CSMD2: variants seen among roughly 807,000 people sequenced by gnomAD.
The protein encoded by CSMD2 is CUB and Sushi multiple domains 2.
Under a neutral mutation model 398.5 loss-of-function variants are expected in CSMD2, and 130 were observed. The observed-to-expected ratio is 0.33, with a 90% CI of 0.28 to 0.38. The LOEUF (loss-of-function observed/expected upper bound fraction) is 0.38, where lower values mean the gene tolerates loss of function less well. Ranked by LOEUF, CSMD2 falls within the 10% of genes least tolerant of loss-of-function variation. The pLI is 1.00. For missense variants in CSMD2, 3,829 were observed against 4,764.9 expected, an observed-to-expected ratio of 0.80 and a Z score of 5.78; for synonymous variants, 1,828 against 1,908.5, an observed-to-expected ratio of 0.96 and a Z score of 1.10.
At position 33,920,225 on chromosome 1, in the gene CSMD2, G is replaced by A. The variant is rs116015235; in HGVS notation, c.713-1924C>T. On this transcript the variant is annotated intron_variant, in intron 4 of 70. Coordinates refer to ENST00000373381, the MANE Select transcript of CSMD2 (RefSeq NM_001281956.2). ...CAGGGTGCAGAGGCCTGGCACCGTT[G>A]AAGAGCATCAAGAGACCCAAGGACT... Among the ~76,000 whole-genome samples, 1,268 of 152,188 alleles carry A rather than the reference G, an allele frequency of 8.3e-3. 7 individuals are homozygous for A. Among genetic ancestry groups the A allele is most frequent in the Non-Finnish European group, 0.013 (861 of 67,996 alleles).
chr1:33,586,131 C>G (rs1310809069), intron 46 of CSMD2, among the ~76,000 whole-genome samples: 4 of 152,218 alleles, frequency 2.6e-5, no homozygotes, highest in African/African-American at 9.6e-5. Context: ...ACCTTGAGTG[C>G]ATCCGCGCAT....
At chr1:33,952,447 A>G (rs536004966) in intron 3 of CSMD2, among the ~76,000 whole-genome samples, 1 of 152,286 alleles carries the variant, frequency 6.6e-6, no homozygotes, top group East Asian at 1.9e-4. Flanking sequence ...TTGCTCATTC[A>G]TGATCGTTTT....
rs528243036 is a variant in CSMD2, at chr1:34,089,743, G to A, written c.188-550C>T. ...TAAATGGACTCTTGCCAAGAGTCTC[G>A]ACTCTTCCCTACTCTTCAAGAACAG... is the stretch of plus-strand genomic sequence containing the variant. On this transcript the variant is annotated intron_variant, in intron 1 of 70. Transcript: ENST00000373381. Among the ~76,000 whole-genome samples the A allele has an allele frequency of 7.2e-5, 11 of 151,996 alleles. No individual in the cohort carries two copies. In the East Asian group the frequency reaches 1.9e-3, roughly 27 times the overall value.
At chr1:33,969,067 G>A (rs917458169) in intron 3 of CSMD2, among the ~76,000 whole-genome samples, 38 of 152,156 alleles carry the variant, frequency 2.5e-4, no homozygotes, top group Non-Finnish European at 1.2e-4. Context: ...TTCACTTAGA[G>A]GTGATCATTG....
At chr1:33,607,444 T>C (rs927926722) in intron 41 of CSMD2, among the ~76,000 whole-genome samples, 1 of 152,190 alleles carries the variant, frequency 6.6e-6, no homozygotes, top group Non-Finnish European at 1.5e-5. Flanking sequence ...AGCTGGGTTT[T>C]TCCCCAGAGG....
In CSMD2 at chr1:33,572,531, G is replaced by A. The variant is rs749690948; in HGVS notation, c.7737C>T (p.Asn2579=). Residue 2579 remains asparagine, a synonymous_variant, in exon 50 of 71, where the codon AAC becomes AAT. Transcript: ENST00000373381. The stretch of plus-strand genomic sequence containing the variant: ...GGACACACTGTGGTGGGACATTGCG[G>A]TTGCTCCATAGGCCTGTGTCCAGAC... The part of the protein sequence containing the change: ...AECLDTGLWS[N]RNVPPQCVPV... The A allele has an allele frequency of 1.2e-6, 2 of 1,609,946 alleles. No individual in the cohort carries two copies. Among genetic ancestry groups the A allele is most frequent in the Non-Finnish European group, 1.7e-6 (2 of 1,177,416 alleles).
intron 42 of CSMD2, 134 bp downstream of exon 42, chr1:33,605,148 A>G: frequency 1.2e-6 from 1 of 843,360 alleles, no homozygotes; most frequent in African/African-American, 1.7e-5. Context: ...ATGTGAAAAC[A>G]GGATGGACCA....
At chr1:33,903,483 T>C (rs1280891336) in intron 5 of CSMD2, among the ~76,000 whole-genome samples, 1 of 152,186 alleles carries the variant, frequency 6.6e-6, no homozygotes, top group Non-Finnish European at 1.5e-5. Flanking sequence ...TCAGTGCTAA[T>C]TTGCAAATGT....
At chr1:33,716,091 C>T (rs1188403350) in intron 20 of CSMD2, among the ~76,000 whole-genome samples, 195 bp downstream of exon 20, 1 of 152,172 alleles carries the variant, frequency 6.6e-6, no homozygotes, top group Non-Finnish European at 1.5e-5. Context: ...TATGCTAACT[C>T]CTTCCAAGAC....
chr1:33,860,476 AGTG>A (rs1639411994), intron 5 of CSMD2: 1 of 152,188 alleles, frequency 6.6e-6, no homozygotes, highest in Non-Finnish European at 1.5e-5. Flanking sequence ...ACTTGGTTAA[AGTG>A]GTGTCTGCCA....
chr1:33,698,830 C>T lies in CSMD2; in HGVS notation c.3848G>A (p.Ser1283Asn), dbSNP rs760978853. 2 of 1,614,118 alleles carry T rather than the reference C, an allele frequency of 1.2e-6. No individual in the cohort carries two copies. Among genetic ancestry groups the T allele is most frequent in the East Asian group, 4.5e-5 (2 of 44,892 alleles). The change falls in exon 24 of 71, where the codon AGC becomes AAC. Residue 1283 changes from serine (S) to asparagine (N), a missense_variant. Ser to Asn is a conservative substitution (Grantham distance 46, BLOSUM62 1). Around this residue, in one of 5 missense-constraint regions of CSMD2, gnomAD observed 2,001 missense variants for 2,567.1 expected, o/e 0.78. Transcript: ENST00000373381. The stretch of plus-strand genomic sequence containing the variant: ...CAGCAGCTCCTCACTACCCCGCAGG[C>T]TGTATCCAGGGTCACAGCTGAAGGA... Reference protein sequence around the residue: ...SVSFSCDPGYSLRGSEELLCL... With the variant: ...SVSFSCDPGYNLRGSEELLCL...
In CSMD2 at chr1:34,084,585, T is replaced by G. The variant is rs533578733; in HGVS notation, c.404+4392A>C. 7.2e-5 allele frequency among the ~76,000 whole-genome samples: 11 copies of G among 152,172 alleles called. No homozygotes were observed. The East Asian group carries it at 2.1e-3, about 29-fold the overall frequency. ...GTGGGCGAAGGACATGAACAGACAC[T>G]TCTCAAAAGAAGACATTTATGCAGC... is the stretch of plus-strand genomic sequence containing the variant. On this transcript the variant is annotated intron_variant, in intron 2 of 70. Transcript: ENST00000373381.
At chr1:33,921,597 C>CA (rs1441668275) in intron 4 of CSMD2, among the ~76,000 whole-genome samples, 1 of 152,058 alleles carries the variant, frequency 6.6e-6, no homozygotes, top group East Asian at 1.9e-4. Context: ...CCCGAACCTT[C>CA]AAAAAAGCAC....
At chr1:33,665,027 T>C (rs1644262780) in intron 25 of CSMD2, among the ~76,000 whole-genome samples, 1 of 152,156 alleles carries the variant, frequency 6.6e-6, no homozygotes, top group East Asian at 1.9e-4. Flanking sequence ...CACAGTGGAA[T>C]CTCTCTGGCA....
At chr1:34,155,502 G>T (rs1032445610) in intron 1 of CSMD2, among the ~76,000 whole-genome samples, 6 of 152,176 alleles carry the variant, frequency 3.9e-5, no homozygotes, top group Non-Finnish European at 5.9e-5. Flanking sequence ...GTGGGTGGTG[G>T]TTGGGGAAAA....
chr1:33,650,936 G>T (rs1462589289), intron 28 of CSMD2, among the ~76,000 whole-genome samples: 1 of 152,150 alleles, frequency 6.6e-6, no homozygotes, highest in African/African-American at 2.4e-5. Context: ...CATACATTAT[G>T]TACTTTTTTA....
intron 3 of CSMD2, among the ~76,000 whole-genome samples, chr1:34,016,013 CTGTGTGTGTGTG>C (rs72213161): frequency 2.0e-5 from 3 of 149,104 alleles, no homozygotes; most frequent in East Asian, 2.0e-4. Flanking sequence ...ACTCCTTGCT[CTGTGTGTGTGTG>C]TGTGTGTGTG....
intron 15 of CSMD2, 60 bp from the exon 16 acceptor site, chr1:33,726,745 A>G: frequency 6.6e-7 from 1 of 1,520,318 alleles, no homozygotes; most frequent in Non-Finnish European, 8.9e-7. Context: ...AAACAAACAG[A>G]AAATCTCTCT....
chr1:33,984,687 G>A (rs1646289593), intron 3 of CSMD2, among the ~76,000 whole-genome samples: 1 of 152,158 alleles, frequency 6.6e-6, no homozygotes, highest in Non-Finnish European at 1.5e-5. Flanking sequence ...GGAGGTTGAG[G>A]TGAGAGGATC....
Sources: allele counts gnomAD v4.1 joint callset (sites outside exome capture counted in the v4.1 genomes callset), GRCh38; gene constraint gnomAD v4.1.1; regional missense constraint gnomAD v4.1.1; transcripts MANE v1.5; gene names NCBI Gene and HGNC (gene_info 2026-07-23, HGNC 2026-07-21).